ALMS1: variants seen among roughly 807,000 people sequenced by gnomAD.
The protein encoded by ALMS1 is centrosome-associated protein ALMS1.
A neutral mutation model predicts 352.2 loss-of-function variants in ALMS1; 271 were observed. The observed-to-expected ratio is 0.77, with a 90% CI of 0.70 to 0.85. ALMS1 has a LOEUF of 0.85. Ranked by LOEUF, ALMS1 falls within the 40% of genes least tolerant of loss-of-function variation. The pLI, the probability that ALMS1 is intolerant of heterozygous loss-of-function variation, is 0.00. For missense variants in ALMS1, 5,445 were observed against 4,870.7 expected (o/e 1.12, Z -3.51); for synonymous variants, 1,865 against 1,761.2 (o/e 1.06, Z -1.48).
chr2:73,466,853 A>G (rs1448327311), intron 9 of ALMS1, among the ~76,000 whole-genome samples: 1 of 152,114 alleles, frequency 6.6e-6, no homozygotes, highest in Non-Finnish European at 1.5e-5. Context: ...TGACAACAAT[A>G]TCTTACAGGT....
At chr2:73,506,646 C>T (rs1673333032) in intron 10 of ALMS1, among the ~76,000 whole-genome samples, 1 of 152,170 alleles carries the variant, frequency 6.6e-6, no homozygotes, top group Non-Finnish European at 1.5e-5. Context: ...TGAGACTTTG[C>T]TGAAGTTGCC....
chr2:73,505,470 C>G lies in ALMS1; in HGVS notation c.9539+13972C>G, dbSNP rs191201157. On this transcript the variant is annotated intron_variant, in intron 10 of 22. Coordinates refer to ENST00000613296, the MANE Select transcript of ALMS1 (RefSeq NM_001378454.1). Reference sequence around the variant, plus strand: ...TTTTGATTTGCATTTCTCTAATGACCAGTGATGATGAGCTTTTTTTCATGT... The same window carrying G: ...TTTTGATTTGCATTTCTCTAATGACGAGTGATGATGAGCTTTTTTTCATGT... Among the ~76,000 whole-genome samples, 94 of 152,226 alleles carry G rather than the reference C, an allele frequency of 6.2e-4. 2 individuals are homozygous for G. In the East Asian group the frequency reaches 0.016, roughly 26 times the overall value.
chr2:73,558,299 G>A (rs1336948171), intron 14 of ALMS1, among the ~76,000 whole-genome samples: 1 of 152,170 alleles, frequency 6.6e-6, no homozygotes, highest in East Asian at 1.9e-4. Flanking sequence ...ATGATTAGCT[G>A]CTTCTCTTCT....
intron 10 of ALMS1, among the ~76,000 whole-genome samples, chr2:73,493,567 A>G (rs1218907638): frequency 6.6e-6 from 1 of 152,148 alleles, no homozygotes; most frequent in Middle Eastern, 3.4e-3. Flanking sequence ...TACTAAAAAT[A>G]CAAAATTAGC....
In ALMS1 at chr2:73,424,857, T is replaced by C; in HGVS notation, c.1192T>C (p.Trp398Arg). ...TGCTGCTCGTTCATATGGGCAGTAT[T>C]GGACACAGGAAGATTCATCTAAGCA... ...FDAARSYGQY[W>R]TQEDSSKQAE... The change falls in exon 5 of 23, where the codon TGG becomes CGG. Residue 398 changes from tryptophan to arginine, a missense_variant. Trp to Arg is a moderately radical substitution (Grantham distance 101). Transcript: ENST00000613296. 2 of 1,606,566 alleles carry C rather than the reference T, an allele frequency of 1.2e-6. No individual in the cohort carries two copies. The highest frequency in any genetic ancestry group is 1.7e-6 in the Non-Finnish European group (2 of 1,175,742).
At chr2:73,459,740 A>G (rs1672147108) in intron 9 of ALMS1, among the ~76,000 whole-genome samples, 1 of 152,036 alleles carries the variant, frequency 6.6e-6, no homozygotes, top group East Asian at 1.9e-4. Context: ...CTAGGAAGAC[A>G]CTCTAGGAAT....
chr2:73,586,545 T>C lies in ALMS1; in HGVS notation c.11548-12856T>C, dbSNP rs550618970. On this transcript the variant is annotated intron_variant, in intron 16 of 22. Coordinates refer to ENST00000613296, the MANE Select transcript of ALMS1 (RefSeq NM_001378454.1). Reference sequence around the variant, plus strand: ...ATATTTTTGTTTGCTTTGTCAAAGATCAGTTGGCTGTAAGTATTTGGCTTT... The same window carrying C: ...ATATTTTTGTTTGCTTTGTCAAAGACCAGTTGGCTGTAAGTATTTGGCTTT... 1.8e-4 allele frequency among the ~76,000 whole-genome samples: 28 copies of C among 152,336 alleles called. 1 individual carries two copies. In the South Asian group the frequency reaches 5.8e-3, roughly 32 times the overall value.
chr2:73,479,476 A>T (rs1277879573), intron 9 of ALMS1, among the ~76,000 whole-genome samples: 1 of 152,242 alleles, frequency 6.6e-6, no homozygotes, highest in East Asian at 1.9e-4. Flanking sequence ...AACATATAGT[A>T]TGCAACCTTA....
intron 20 of ALMS1, among the ~76,000 whole-genome samples, chr2:73,602,570 G>T (rs1390157647): frequency 6.6e-6 from 1 of 152,218 alleles, no homozygotes; most frequent in Non-Finnish European, 1.5e-5. Flanking sequence ...AGTAAGCCCA[G>T]TTACTCTAAG....
intron 12 of ALMS1, among the ~76,000 whole-genome samples, chr2:73,536,269 T>G (rs962041302): frequency 9.9e-5 from 15 of 152,224 alleles, no homozygotes; most frequent in Admixed American, 7.9e-4. Flanking sequence ...CAGTACTTTC[T>G]GAGGCCTCCA....
chr2:73,532,152 C>G (rs1360644406), intron 11 of ALMS1, among the ~76,000 whole-genome samples: 1 of 152,208 alleles, frequency 6.6e-6, no homozygotes, highest in Non-Finnish European at 1.5e-5. Flanking sequence ...ACACAAGCAC[C>G]CCTGTGGCCA....
At chr2:73,607,541 C>A (rs188965624) in intron 21 of ALMS1, among the ~76,000 whole-genome samples, 1 of 152,196 alleles carries the variant, frequency 6.6e-6, no homozygotes, top group East Asian at 1.9e-4. Context: ...TTTTGGGAAG[C>A]CTCGAGTCCA....
At chr2:73,555,214 C>G (rs1332470771) in intron 13 of ALMS1, among the ~76,000 whole-genome samples, 1 of 152,028 alleles carries the variant, frequency 6.6e-6, no homozygotes, top group African/African-American at 2.4e-5. Context: ...TACCAGACAT[C>G]AAGACTTATT....
chr2:73,472,708 A>C (rs1672493213), intron 9 of ALMS1, among the ~76,000 whole-genome samples: 1 of 152,068 alleles, frequency 6.6e-6, no homozygotes, highest in South Asian at 2.1e-4. Context: ...ATGAACAATG[A>C]CTTTGAAGAC....
At chr2:73,536,050 T>G (rs555071622) in intron 12 of ALMS1, among the ~76,000 whole-genome samples, 1 of 152,308 alleles carries the variant, frequency 6.6e-6, no homozygotes, top group South Asian at 2.1e-4. Context: ...ACAAAAATAC[T>G]CACCACAAGT....
chr2:73,482,748 A>G (rs1176000460), intron 9 of ALMS1, among the ~76,000 whole-genome samples: 2 of 151,942 alleles, frequency 1.3e-5, no homozygotes, highest in East Asian at 1.9e-4. Flanking sequence ...TATTGCCACA[A>G]TTTCAGATCC....
chr2:73,589,000 C>T (rs1047937430), intron 16 of ALMS1, among the ~76,000 whole-genome samples: 1 of 151,948 alleles, frequency 6.6e-6, no homozygotes, highest in African/African-American at 2.4e-5. Context: ...TCCAAATATA[C>T]ATACCTATGT....
chr2:73,428,209 C>T (rs1403224251), intron 6 of ALMS1, among the ~76,000 whole-genome samples: 1 of 152,150 alleles, frequency 6.6e-6, no homozygotes. Context: ...TGTCCTCTGT[C>T]AATCCTATCA....
intron 16 of ALMS1, among the ~76,000 whole-genome samples, chr2:73,587,180 A>T (rs1446585869): frequency 6.6e-6 from 1 of 152,130 alleles, no homozygotes; most frequent in African/African-American, 2.4e-5. Context: ...TTTTTGAATG[A>T]GTCTTTAGGA....
Sources: allele counts gnomAD v4.1 joint callset (sites outside exome capture counted in the v4.1 genomes callset), GRCh38; gene constraint gnomAD v4.1.1; transcripts MANE v1.5; gene names NCBI Gene and HGNC (gene_info 2026-07-23, HGNC 2026-07-21).